GPC3: variants seen among roughly 807,000 people sequenced by gnomAD.
GPC3 encodes glypican-3.
A neutral mutation model predicts 34.4 loss-of-function variants in GPC3; 3 were observed. That is an observed-to-expected ratio of 0.09 (90% CI 0.04 to 0.23). The LOEUF (loss-of-function observed/expected upper bound fraction) is 0.23. Ranked by LOEUF, GPC3 falls within the 10% of genes least tolerant of loss-of-function variation. The pLI, the probability that GPC3 is intolerant of heterozygous loss-of-function variation, is 1.00. For synonymous variants in GPC3, 177 were observed against 174.0 expected (o/e 1.02, Z -0.13); for missense variants, 351 against 445.6 (o/e 0.79, Z 1.91).
chrX:133,850,200 T>TG (rs1442527113), intron 2 of GPC3, among the ~76,000 whole-genome samples: 1 of 102,113 alleles, frequency 9.8e-6, no homozygotes, highest in African/African-American at 3.7e-5. Context: ...TTTTGTTTTT[T>TG]TTTTTTTTTT....
intron 2 of GPC3, among the ~76,000 whole-genome samples, chrX:133,856,093 C>G (rs950623107): frequency 8.9e-6 from 1 of 112,217 alleles, no homozygotes; most frequent in Non-Finnish European, 1.9e-5. Flanking sequence ...GTGCAGATAT[C>G]TCTTCAACCT....
intron 5 of GPC3, among the ~76,000 whole-genome samples, chrX:133,687,092 A>ATTTTTTTTTTTTTTTTTT (rs775110101): frequency 2.9e-5 from 2 of 69,280 alleles, no homozygotes; most frequent in African/African-American, 7.9e-5. Context: ...TGGCCGGCTA[A>ATTTTTTTTTTTTTTTTTT]TTTTTTTTTT....
intron 3 of GPC3, among the ~76,000 whole-genome samples, chrX:133,736,622 G>C (rs1301751805): frequency 8.9e-6 from 1 of 112,228 alleles, no homozygotes; most frequent in Non-Finnish European, 1.9e-5. Flanking sequence ...AGATGCAAAA[G>C]GCCATATATT....
chrX:133,745,299 C>A (rs1027477828), intron 3 of GPC3, among the ~76,000 whole-genome samples: 2 of 112,231 alleles, frequency 1.8e-5, no homozygotes, highest in Admixed American at 1.9e-4. Context: ...TCTGAATACA[C>A]TCTGAGTGTC....
At chrX:133,981,896 C>T (rs2076541129) in intron 1 of GPC3, among the ~76,000 whole-genome samples, 1 of 112,292 alleles carries the variant, frequency 8.9e-6, no homozygotes, top group Admixed American at 9.4e-5. Context: ...GATTGGTTCT[C>T]GCACTTTCCA....
chrX:133,840,720 T>C, intron 2 of GPC3, among the ~76,000 whole-genome samples: 1 of 111,122 alleles, frequency 9.0e-6, no homozygotes, highest in Non-Finnish European at 1.9e-5. Context: ...GGGCATTATA[T>C]AGACAGAGTA....
At chrX:133,893,194 T>A (rs189706604) in intron 2 of GPC3, among the ~76,000 whole-genome samples, 1 of 110,757 alleles carries the variant, frequency 9.0e-6, no homozygotes, top group East Asian at 2.9e-4. Context: ...GAGGCAGAGG[T>A]TGCAGTGAGC....
chrX:133,908,493 C>G (rs761054092), intron 2 of GPC3, among the ~76,000 whole-genome samples: 26 of 111,564 alleles, frequency 2.3e-4, no homozygotes, highest in Admixed American at 4.8e-4. Flanking sequence ...AGCAAGGGAA[C>G]CTAACCAAGA....
At chrX:133,682,915 C>T (rs1391162506) in intron 5 of GPC3, among the ~76,000 whole-genome samples, 1 of 97,767 alleles carries the variant, frequency 1.0e-5, no homozygotes, top group East Asian at 3.3e-4. Flanking sequence ...TGTGGTGAGT[C>T]AAAATTGTGC....
At chrX:133,553,905 A>T (rs1185294951) in intron 7 of GPC3, among the ~76,000 whole-genome samples, 1 of 111,761 alleles carries the variant, frequency 8.9e-6, no homozygotes, top group Non-Finnish European at 1.9e-5. Context: ...GCCCAATAAG[A>T]TCCCTCATGC....
chrX:133,770,271 G>A (rs2071902317), intron 2 of GPC3, among the ~76,000 whole-genome samples: 2 of 109,940 alleles, frequency 1.8e-5, no homozygotes, highest in Admixed American at 1.9e-4. Context: ...GGAAGACCCT[G>A]TCAAAAAAAA....
intron 6 of GPC3, among the ~76,000 whole-genome samples, chrX:133,598,143 G>A (rs1569393264): frequency 8.9e-6 from 1 of 111,738 alleles, no homozygotes; most frequent in Non-Finnish European, 1.9e-5. Flanking sequence ...ATGAACCCAT[G>A]ATGTGACATA....
chrX:133,857,163 C>T (rs1262119162), intron 2 of GPC3, among the ~76,000 whole-genome samples: 1 of 111,447 alleles, frequency 9.0e-6, no homozygotes, highest in African/African-American at 3.3e-5. Context: ...ACACAAGTAA[C>T]ACTTCTCTCT....
At chrX:133,856,473 C>T (rs1231336681) in intron 2 of GPC3, among the ~76,000 whole-genome samples, 1 of 110,739 alleles carries the variant, frequency 9.0e-6, no homozygotes, top group African/African-American at 3.3e-5. Context: ...CATTAAGCAT[C>T]TAGATGTAAT....
chrX:133,658,629 G>A (rs1646877890), intron 6 of GPC3, among the ~76,000 whole-genome samples: 1 of 111,572 alleles, frequency 9.0e-6, no homozygotes, highest in Non-Finnish European at 1.9e-5. Context: ...AAGCAACACA[G>A]ATGAGAAAAA....
intron 2 of GPC3, among the ~76,000 whole-genome samples, chrX:133,857,591 C>G (rs1012128610): frequency 9.0e-6 from 1 of 111,368 alleles, no homozygotes; most frequent in Non-Finnish European, 1.9e-5. Context: ...CTTTCTGGGC[C>G]CATTTCCTCA....
chrX:133,765,218 A>G, intron 2 of GPC3, among the ~76,000 whole-genome samples: 1 of 112,275 alleles, frequency 8.9e-6, no homozygotes. Context: ...ACTGGATTAT[A>G]TCTTAGCTAG....
intron 6 of GPC3, among the ~76,000 whole-genome samples, chrX:133,604,668 C>T (rs1047059721): frequency 4.5e-5 from 5 of 111,484 alleles, no homozygotes; most frequent in Admixed American, 9.6e-5. Flanking sequence ...ACTGCAAATA[C>T]GGGACTTGGT....
chrX:133,961,552 A>G (rs755162456), intron 1 of GPC3, among the ~76,000 whole-genome samples: 1 of 111,667 alleles, frequency 9.0e-6, no homozygotes, highest in East Asian at 2.8e-4. Context: ...CACGGATTAT[A>G]TCCACCTTGC....
Sources: gnomAD v4.1 joint callset for allele counts (sites outside exome capture counted in the v4.1 genomes callset) on GRCh38, gnomAD v4.1.1 for gene constraint, MANE v1.5 for transcripts, NCBI Gene and HGNC (gene_info 2026-07-23, HGNC 2026-07-21) for gene names.